The following SCN9A variants were observed in gnomAD, a reference collection of about 807,000 sequenced individuals.
SCN9A encodes the protein sodium channel protein type 9 subunit alpha.
A neutral mutation model predicts 187.0 loss-of-function variants in SCN9A; 131 were observed. That is an observed-to-expected ratio of 0.70 (90% CI 0.61 to 0.81). SCN9A has a LOEUF of 0.81. SCN9A is among the 30% of genes least tolerant of loss of function. The probability of loss-of-function intolerance (pLI) is 0.00; values close to 1 mark genes in which losing one functional copy is unlikely to be tolerated. For synonymous variants in SCN9A, 809 were observed against 808.6 expected, an observed-to-expected ratio of 1.00 and a Z score of -0.01; for missense variants, 2,252 against 2,396.6, an observed-to-expected ratio of 0.94 and a Z score of 1.26.
rs75818591 is a variant in SCN9A, at chr2:166,309,573, A to G, written c.258+1926T>C. On this transcript the variant is annotated intron_variant, in intron 2 of 26. Transcript: ENST00000642356. ...GTGAAGGACCTCTTCGAGGAGAACT[A>G]CAAACCACTGCTCAAGGAAATAAAA... Among the ~76,000 whole-genome samples the G allele has an allele frequency of 3.6e-3, 543 of 152,246 alleles. 12 individuals are homozygous for G. The East Asian group carries it at 0.065, about 18-fold the overall frequency.
intron 1 of SCN9A, among the ~76,000 whole-genome samples, chr2:166,371,305 T>G (rs899082334): frequency 1.4e-4 from 22 of 152,224 alleles, no homozygotes; most frequent in African/African-American, 5.3e-4. Context: ...TTCAAACTTG[T>G]CTGTGGCAGA....
chr2:166,370,903 G>A (rs1401191953), intron 1 of SCN9A, among the ~76,000 whole-genome samples: 1 of 151,986 alleles, frequency 6.6e-6, no homozygotes, highest in Non-Finnish European at 1.5e-5. Flanking sequence ...AAATTTCCAA[G>A]TGAACAATCC....
At chr2:166,312,693 A>G (rs1049651295) in intron 1 of SCN9A, among the ~76,000 whole-genome samples, 3 of 152,184 alleles carry the variant, frequency 2.0e-5, no homozygotes, top group African/African-American at 7.2e-5. Context: ...TCTTTGGCCC[A>G]TAGGCTACAG....
chr2:166,270,762 G>GATATATATATATATATATATATAT (rs60551465), intron 17 of SCN9A, among the ~76,000 whole-genome samples: 1 of 143,666 alleles, frequency 7.0e-6, no homozygotes, highest in Non-Finnish European at 1.5e-5. Flanking sequence ...GCATTTTACT[G>GATATATATATATATATATATATAT]ATATATATAT....
At chr2:166,263,132 G>C (rs74317031) in intron 17 of SCN9A, among the ~76,000 whole-genome samples, 3,170 of 152,026 alleles carry the variant, frequency 0.021, 40 homozygotes, top group Middle Eastern at 0.058. Context: ...GAGAAGAAAG[G>C]CCTGACCCTC....
intron 1 of SCN9A, among the ~76,000 whole-genome samples, chr2:166,339,440 T>C (rs1269593847): frequency 1.3e-5 from 2 of 151,966 alleles, no homozygotes; most frequent in African/African-American, 4.8e-5. Context: ...TATGAAAAAA[T>C]AGGAGGAGGG....
rs1272527481 is a variant in SCN9A, at chr2:166,228,796, A to C, written c.4101T>G (p.Arg1367=). 6.2e-7 allele frequency: 1 copy of C among 1,613,836 alleles called. No individual in the cohort carries two copies. The highest frequency in any genetic ancestry group is 8.5e-7 in the Non-Finnish European group (1 of 1,179,862). Reference sequence around the variant, plus strand: ...CATTCATAAGGGCAAAACATTCGGAACGATTTGGAACTTGACTTGCAGGAA... The same window carrying C: ...CATTCATAAGGGCAAAACATTCGGACCGATTTGGAACTTGACTTGCAGGAA... ...SRFPASQVPN[R]SECFALMNVS... The change falls in exon 22 of 27, where the codon CGT becomes CGG. Residue 1367 remains arginine, a synonymous_variant. Transcript: ENST00000642356.
At chr2:166,336,283 C>T (rs1163814012) in intron 1 of SCN9A, among the ~76,000 whole-genome samples, 2 of 152,090 alleles carry the variant, frequency 1.3e-5, no homozygotes, top group African/African-American at 2.4e-5. Flanking sequence ...AGAAAAATGG[C>T]TCCAACTGTC....
chr2:166,237,099 G>A (rs759152877), intron 20 of SCN9A, among the ~76,000 whole-genome samples: 1 of 151,876 alleles, frequency 6.6e-6, no homozygotes, highest in Admixed American at 6.6e-5. Context: ...ATATCATTCT[G>A]AGAAAAATAA....
At chr2:166,349,025 G>A (rs914305340) in intron 1 of SCN9A, among the ~76,000 whole-genome samples, 1 of 135,746 alleles carries the variant, frequency 7.4e-6, no homozygotes, top group African/African-American at 3.0e-5. Flanking sequence ...CTCCTCGGAA[G>A]GCTGAGGCAG....
At chr2:166,331,933 C>A (rs764194425) in intron 1 of SCN9A, among the ~76,000 whole-genome samples, 20 of 151,980 alleles carry the variant, frequency 1.3e-4, no homozygotes, top group Non-Finnish European at 2.8e-4. Context: ...TCCAATCTTC[C>A]TTCTTATCTA....
chr2:166,290,735 T>A (rs538778114), intron 9 of SCN9A, among the ~76,000 whole-genome samples: 44 of 152,246 alleles, frequency 2.9e-4, no homozygotes, highest in African/African-American at 1.0e-3. Flanking sequence ...TCTGTTCATA[T>A]CCTTTGCCCA....
chr2:166,283,689 C>G (rs922633093), intron 12 of SCN9A, among the ~76,000 whole-genome samples: 20 of 152,096 alleles, frequency 1.3e-4, no homozygotes, highest in Non-Finnish European at 2.9e-4. Context: ...GATTCATAGA[C>G]TCCAGATGAA....
intron 7 of SCN9A, among the ~76,000 whole-genome samples, chr2:166,300,211 C>CT (rs1190362258): frequency 1.3e-5 from 2 of 150,704 alleles, no homozygotes; most frequent in East Asian, 3.9e-4. Flanking sequence ...ATGATATGAC[C>CT]CCTATTTTTT....
chr2:166,232,519 A>C (rs1695127511), intron 21 of SCN9A, among the ~76,000 whole-genome samples: 1 of 152,148 alleles, frequency 6.6e-6, no homozygotes. Context: ...AACACCTGAT[A>C]TAAGTAGGTC....
chr2:166,328,922 A>C (rs542568822), intron 1 of SCN9A, among the ~76,000 whole-genome samples: 1 of 152,132 alleles, frequency 6.6e-6, no homozygotes, highest in Non-Finnish European at 1.5e-5. Context: ...TGAGTGATTT[A>C]ATTGGTAAAG....
intron 18 of SCN9A, among the ~76,000 whole-genome samples, chr2:166,250,753 A>T (rs1315241859): frequency 6.6e-6 from 1 of 152,094 alleles, no homozygotes; most frequent in East Asian, 1.9e-4. Context: ...AATGTAAAGA[A>T]CTTTACATGT....
rs1340631707 is a variant in SCN9A, at chr2:166,198,283, A to G, written c.*389T>C. ...ATACTTTTGTTGATTTCCAAATAAT[A>G]GATAAATAATAGATTTTTCTGTATG... is the stretch of plus-strand genomic sequence containing the variant. On this transcript the variant is annotated 3_prime_UTR_variant, in exon 27 of 27. Transcript: ENST00000642356. The G allele has an allele frequency of 6.1e-6, 1 of 164,788 alleles. No individual in the cohort carries two copies. Among genetic ancestry groups the G allele is most frequent in the Non-Finnish European group, 1.3e-5 (1 of 75,568 alleles). 10.2% of individuals were successfully genotyped at this position (164,788 alleles called of 1,614,324 possible).
intron 1 of SCN9A, among the ~76,000 whole-genome samples, chr2:166,334,226 G>A (rs1354625286): frequency 1.3e-5 from 2 of 151,980 alleles, no homozygotes; most frequent in African/African-American, 2.4e-5. Flanking sequence ...TGAAAATAAC[G>A]AATGCCAACA....
Sources: allele counts gnomAD v4.1 joint callset (sites outside exome capture counted in the v4.1 genomes callset), GRCh38; gene constraint gnomAD v4.1.1; transcripts MANE v1.5; gene names NCBI Gene and HGNC (gene_info 2026-07-23, HGNC 2026-07-21).